Variants in SMG6 observed in about 807,000 individuals in gnomAD.
SMG6 encodes the protein telomerase-binding protein EST1A.
Under a neutral mutation model 142.2 loss-of-function variants are expected in SMG6, and 66 were observed. The observed-to-expected ratio is 0.46, with a 90% CI of 0.38 to 0.57. SMG6 has a LOEUF of 0.57. SMG6 is among the 20% of genes least tolerant of loss of function. The pLI is 0.00. For synonymous variants in SMG6, 779 were observed against 702.4 expected (o/e 1.11, Z -1.72); for missense variants, 1,793 against 1,832.0 (o/e 0.98, Z 0.39).
chr17:2,154,177 T>C (rs1487202778), intron 13 of SMG6, among the ~76,000 whole-genome samples: 1 of 131,088 alleles, frequency 7.6e-6, no homozygotes, highest in Non-Finnish European at 1.6e-5. Context: ...GCACGTAGAG[T>C]GTGACGGTGA....
intron 8 of SMG6, among the ~76,000 whole-genome samples, chr17:2,260,857 G>A (rs2074294752): frequency 6.6e-6 from 1 of 152,024 alleles, no homozygotes; most frequent in African/African-American, 2.4e-5. Flanking sequence ...TTAGCTGGGT[G>A]TGATGGCGGG....
intron 13 of SMG6, among the ~76,000 whole-genome samples, chr17:2,104,042 C>T (rs2069085571): frequency 6.6e-6 from 1 of 151,788 alleles, no homozygotes; most frequent in South Asian, 2.1e-4. Context: ...ACCTCTGCTT[C>T]CCAGGTTCAA....
intron 10 of SMG6, among the ~76,000 whole-genome samples, chr17:2,201,117 A>C (rs2072507648): frequency 6.6e-6 from 1 of 152,254 alleles, no homozygotes; most frequent in African/African-American, 2.4e-5. Flanking sequence ...CTGGGAGAAA[A>C]TAATTGTAAA....
chr17:2,239,156 G>A (rs374085965), intron 9 of SMG6, among the ~76,000 whole-genome samples: 25 of 152,186 alleles, frequency 1.6e-4, no homozygotes, highest in Non-Finnish European at 2.6e-4. Context: ...TGATGGACAC[G>A]TACGTAAGTA....
chr17:2,235,230 G>A (rs954920304), intron 10 of SMG6, among the ~76,000 whole-genome samples: 1 of 152,204 alleles, frequency 6.6e-6, no homozygotes, highest in Non-Finnish European at 1.5e-5. Context: ...AATTAGCCAA[G>A]TTCAAAAAGG....
At chr17:2,255,026 T>C (rs1218254934) in intron 8 of SMG6, among the ~76,000 whole-genome samples, 1 of 152,152 alleles carries the variant, frequency 6.6e-6, no homozygotes, top group Admixed American at 6.6e-5. Context: ...AAGTGGTACA[T>C]TGTAGACTGG....
chr17:2,252,087 C>T (rs1007204212), intron 8 of SMG6, among the ~76,000 whole-genome samples: 2 of 145,276 alleles, frequency 1.4e-5, no homozygotes, highest in Admixed American at 7.0e-5. Flanking sequence ...GAAACAAGAG[C>T]GAAACTCCAT....
rs576954314 is a variant in SMG6 at position 2,092,252 on chromosome 17, AT to A, written c.3358-6352del. 1.8e-3 allele frequency among the ~76,000 whole-genome samples: 271 copies of A among 151,828 alleles called. 1 individual carries two copies. The highest frequency in any genetic ancestry group is 6.4e-3 in the African/African-American group (263 of 41,354). ...CCACCGCGCCCGGCCTTTCTCAGTCATTTCTAATCCCGGTGTCCAGATCCAA... is the reference window on the plus strand; with the variant it reads ...CCACCGCGCCCGGCCTTTCTCAGTCATTCTAATCCCGGTGTCCAGATCCAA... On this transcript the variant is annotated intron_variant, in intron 13 of 18. Transcript: ENST00000263073.
At chr17:2,178,977 G>A (rs77632562) in intron 12 of SMG6, among the ~76,000 whole-genome samples, 1,566 of 152,328 alleles carry the variant, frequency 0.01, 31 homozygotes, top group African/African-American at 0.035. Context: ...GTCAGCTGCT[G>A]TACCCTGCTG....
intron 13 of SMG6, among the ~76,000 whole-genome samples, chr17:2,155,138 C>G (rs1453378259): frequency 6.6e-6 from 1 of 151,660 alleles, no homozygotes; most frequent in Non-Finnish European, 1.5e-5. Flanking sequence ...CTGCAACCTC[C>G]ACCTTGCTGG....
In SMG6 at chr17:2,299,619, A is replaced by G; in HGVS notation, c.1134T>C (p.Pro378=). ...TGCCCCCACTGCTCAAGCCTTTGTCAGGCTTTCCTCTATCCATATCATCCC... is the reference window on the plus strand; with the variant it reads ...TGCCCCCACTGCTCAAGCCTTTGTCGGGCTTTCCTCTATCCATATCATCCC... The part of the protein sequence containing the change: ...SARDDMDRGK[P]DKGLSSGGKG... The change falls in exon 2 of 19, where the codon CCT becomes CCC. Residue 378 remains proline, a synonymous_variant. Coordinates refer to ENST00000263073, the MANE Select transcript of SMG6 (RefSeq NM_017575.5). This position sits in a 1 kb window ranked among gnomAD's most constrained non-coding sequence, Gnocchi z 4.3. 6.2e-7 allele frequency: 1 copy of G among 1,614,146 alleles called. No homozygotes were observed. Among genetic ancestry groups the G allele is most frequent in the Non-Finnish European group, 8.5e-7 (1 of 1,180,030 alleles).
rs1414589893 is a variant in SMG6 at position 2,085,114 on chromosome 17, G to A, written c.3534+611C>T. Among the ~76,000 whole-genome samples, 1 of 152,158 alleles carries A rather than the reference G, an allele frequency of 6.6e-6. No individual in the cohort carries two copies. The highest frequency in any genetic ancestry group is 1.5e-5 in the Non-Finnish European group (1 of 68,038). ...GGGGCGGGTACACAGGCTCATGCATGTGCATGCGCGTGCGCACACACACAC... is the reference window on the plus strand; with the variant it reads ...GGGGCGGGTACACAGGCTCATGCATATGCATGCGCGTGCGCACACACACAC... On this transcript the variant is annotated intron_variant, in intron 14 of 18. Transcript: ENST00000263073. The surrounding 1 kb of genome is among the most constrained non-coding windows in gnomAD (Gnocchi z 4.1).
intron 13 of SMG6, among the ~76,000 whole-genome samples, chr17:2,159,570 C>T (rs1282266796): frequency 6.6e-6 from 1 of 152,142 alleles, no homozygotes; most frequent in Non-Finnish European, 1.5e-5. Context: ...TCACATATTG[C>T]TAGTGGGAGT....
chr17:2,142,457 C>T lies in SMG6; in HGVS notation c.3357+30201G>A, dbSNP rs549510717. On this transcript the variant is annotated intron_variant, in intron 13 of 18. Coordinates refer to ENST00000263073, the MANE Select transcript of SMG6 (RefSeq NM_017575.5). ...CCCAGGAGTTCAAAACCAGCCTGGG[C>T]AACACAGTGAGACCCTCTCTGTCTG... Among the ~76,000 whole-genome samples, 5 of 152,138 alleles carry T rather than the reference C, an allele frequency of 3.3e-5. No homozygotes were observed. The South Asian group carries it at 8.3e-4, about 25-fold the overall frequency.
At chr17:2,291,488 GA>G (rs915498334) in intron 6 of SMG6, among the ~76,000 whole-genome samples, 3 of 151,728 alleles carry the variant, frequency 2.0e-5, no homozygotes, top group East Asian at 1.9e-4. Context: ...AAGAGGGCGG[GA>G]AAAAAAATCC....
chr17:2,156,943 C>T (rs1020468093), intron 13 of SMG6, among the ~76,000 whole-genome samples: 3 of 152,120 alleles, frequency 2.0e-5, no homozygotes, highest in South Asian at 2.1e-4. Context: ...ATGGTGTCAC[C>T]GGGTGTGTCT....
At chr17:2,246,889 T>C (rs2073939762) in intron 8 of SMG6, among the ~76,000 whole-genome samples, 2 of 152,170 alleles carry the variant, frequency 1.3e-5, no homozygotes, top group South Asian at 4.1e-4. Flanking sequence ...GAGGTTGCAG[T>C]GAGCCAAGAT....
chr17:2,090,320 AC>A (rs1165901864), intron 13 of SMG6, among the ~76,000 whole-genome samples: 1 of 152,014 alleles, frequency 6.6e-6, no homozygotes, highest in Non-Finnish European at 1.5e-5. Context: ...GGGAGAGAAA[AC>A]GAGCTATATG....
At chr17:2,076,024 G>T (rs2068248398) in intron 15 of SMG6, among the ~76,000 whole-genome samples, 1 of 152,250 alleles carries the variant, frequency 6.6e-6, no homozygotes, top group Non-Finnish European at 1.5e-5. Flanking sequence ...GCTCACAGAA[G>T]AGCTTAGGCG....
Sources: gnomAD v4.1 joint callset for allele counts (sites outside exome capture counted in the v4.1 genomes callset) on GRCh38, gnomAD v4.1.1 for gene constraint, Gnocchi (gnomAD v3.1) non-coding constraint, MANE v1.5 for transcripts, NCBI Gene and HGNC (gene_info 2026-07-23, HGNC 2026-07-21) for gene names.